The following GATAD2A variants were observed in gnomAD, a reference collection of about 807,000 sequenced individuals.
The protein encoded by GATAD2A is GATA zinc finger domain containing 2A, also known as transcriptional repressor p66-alpha.
In GATAD2A, 12 loss-of-function variants were observed where a neutral mutation model predicts 68.5. That is an observed-to-expected ratio of 0.18 (90% CI 0.11 to 0.28). The LOEUF is 0.28. Ranked by LOEUF, GATAD2A falls within the 10% of genes least tolerant of loss-of-function variation. The pLI, the probability that GATAD2A is intolerant of heterozygous loss-of-function variation, is 1.00. For synonymous variants in GATAD2A, 410 were observed against 375.3 expected, an observed-to-expected ratio of 1.09 and a Z score of -1.07; for missense variants, 755 against 868.5, an observed-to-expected ratio of 0.87 and a Z score of 1.64.
rs1193496109 is a variant in GATAD2A at position 19,498,508 on chromosome 19, T to C, written c.990T>C (p.Ser330=). The C allele has an allele frequency of 2.5e-6, 4 of 1,613,742 alleles. No homozygotes were observed. The highest frequency in any genetic ancestry group is 3.4e-6 in the Non-Finnish European group (4 of 1,179,794). ...TSAQANSTPT[S]VASVVTSAES... ...CTCAGGCCAACTCCACCCCCACTAG[T>C]GTGGCCTCTGTGGTCACCTCTGCCG... The change falls in exon 8 of 12, where the codon AGT becomes AGC. Residue 330 remains serine, a synonymous_variant. Coordinates refer to ENST00000683918, the MANE Select transcript of GATAD2A (RefSeq NM_001384528.1).
At chr19:19,433,800 G>A (rs549993939) in intron 1 of GATAD2A, among the ~76,000 whole-genome samples, 1 of 152,162 alleles carries the variant, frequency 6.6e-6, no homozygotes, top group African/African-American at 2.4e-5. Context: ...TTTGAGACAA[G>A]GTCTTGCTCT....
intron 2 of GATAD2A, among the ~76,000 whole-genome samples, chr19:19,475,156 C>T (rs1463783964): frequency 1.3e-5 from 2 of 152,256 alleles, no homozygotes; most frequent in South Asian, 2.1e-4. Flanking sequence ...CGCAGCTGCT[C>T]CCGGCCCGCC....
At chr19:19,470,136 C>T (rs933171289) in intron 2 of GATAD2A, among the ~76,000 whole-genome samples, 9 of 148,292 alleles carry the variant, frequency 6.1e-5, no homozygotes, top group Admixed American at 1.4e-4. Flanking sequence ...AGCCAAACTG[C>T]GACTTTATTT....
At chr19:19,496,356 C>T (rs967411617) in intron 7 of GATAD2A, 137 bp downstream of exon 7, 1 of 804,246 alleles carries the variant, frequency 1.2e-6, no homozygotes. Flanking sequence ...CAGAGCCAGG[C>T]AGGGGCTTGG....
chr19:19,440,058 C>A, intron 1 of GATAD2A: 1 of 307,526 alleles, frequency 3.3e-6, no homozygotes. Context: ...GTGGTGGTGG[C>A]TCTGCCTACA....
intron 1 of GATAD2A, among the ~76,000 whole-genome samples, chr19:19,391,622 G>A (rs921255252): frequency 5.3e-5 from 8 of 152,076 alleles, no homozygotes; most frequent in Admixed American, 2.0e-4. Flanking sequence ...CTAACAGGAA[G>A]TTTTTTAAAC....
chr19:19,498,174 G>C (rs2060273936), intron 7 of GATAD2A, among the ~76,000 whole-genome samples: 1 of 152,230 alleles, frequency 6.6e-6, no homozygotes, highest in Non-Finnish European at 1.5e-5. Flanking sequence ...GCAAACTATA[G>C]ATTTTAAGTG....
At chr19:19,452,670 C>T (rs1401234969) in intron 1 of GATAD2A, among the ~76,000 whole-genome samples, 2 of 151,906 alleles carry the variant, frequency 1.3e-5, no homozygotes, top group African/African-American at 2.4e-5. Context: ...CTGCTGAATC[C>T]CTGGGCTGGG....
At chr19:19,448,818 A>C (rs2056049592) in intron 1 of GATAD2A, among the ~76,000 whole-genome samples, 1 of 152,206 alleles carries the variant, frequency 6.6e-6, no homozygotes, top group East Asian at 1.9e-4. Context: ...TTCTCCTCAT[A>C]ATAAGCCTGT....
chr19:19,398,626 C>T (rs979757110), intron 1 of GATAD2A, among the ~76,000 whole-genome samples: 2 of 150,910 alleles, frequency 1.3e-5, no homozygotes, highest in African/African-American at 2.4e-5. Flanking sequence ...AGACACTGTG[C>T]CCGGCCTAGA....
intron 2 of GATAD2A, among the ~76,000 whole-genome samples, chr19:19,490,105 T>C (rs2059686263): frequency 6.6e-6 from 1 of 152,216 alleles, no homozygotes; most frequent in Admixed American, 6.5e-5. Flanking sequence ...GAATGTGGGC[T>C]GATAACCCCT....
chr19:19,397,846 CAGAT>C (rs2049377926), intron 1 of GATAD2A, among the ~76,000 whole-genome samples: 1 of 152,188 alleles, frequency 6.6e-6, no homozygotes, highest in South Asian at 2.1e-4. Context: ...CCTCAGCACC[CAGAT>C]AACTAGGACT....
chr19:19,448,695 G>A (rs1233916846), intron 1 of GATAD2A, among the ~76,000 whole-genome samples: 1 of 152,112 alleles, frequency 6.6e-6, no homozygotes, highest in East Asian at 1.9e-4. Context: ...TCACCACGTT[G>A]GCCAGGCTGG....
At chr19:19,432,380 C>T (rs928762306) in intron 1 of GATAD2A, among the ~76,000 whole-genome samples, 1 of 152,236 alleles carries the variant, frequency 6.6e-6, no homozygotes, top group African/African-American at 2.4e-5. Context: ...CAGCTCACTG[C>T]AACCTCTGCC....
chr19:19,467,467 T>C (rs1446260058), intron 2 of GATAD2A, among the ~76,000 whole-genome samples: 2 of 152,158 alleles, frequency 1.3e-5, no homozygotes, highest in African/African-American at 2.4e-5. Context: ...CTTGACAATA[T>C]GGATTAGTTT....
rs186903121 is a variant in GATAD2A, at chr19:19,470,014, C to T, written c.269+4400C>T. Among the ~76,000 whole-genome samples the T allele has an allele frequency of 2.1e-3, 313 of 151,366 alleles. 1 individual carries two copies. Among genetic ancestry groups the T allele is most frequent in the Non-Finnish European group, 1.6e-3 (106 of 67,910 alleles). ...GTTTATAAGTGACGCCCCTTAGATT[C>T]AAGGAATAATACAAAAGGATGGAAA... On this transcript the variant is annotated intron_variant, in intron 2 of 11. Coordinates refer to ENST00000683918, the MANE Select transcript of GATAD2A (RefSeq NM_001384528.1).
intron 1 of GATAD2A, among the ~76,000 whole-genome samples, chr19:19,410,737 G>T (rs138925423): frequency 6.6e-6 from 1 of 152,312 alleles, no homozygotes; most frequent in South Asian, 2.1e-4. Flanking sequence ...TTGCTGAGCA[G>T]CCTGTCTCTA....
At chr19:19,448,122 G>A (rs2055948376) in intron 1 of GATAD2A, among the ~76,000 whole-genome samples, 1 of 152,264 alleles carries the variant, frequency 6.6e-6, no homozygotes, top group Non-Finnish European at 1.5e-5. Flanking sequence ...AGGCATCTGG[G>A]AGGGGACAGA....
At chr19:19,420,177 GTTT>G (rs71170684) in intron 1 of GATAD2A, among the ~76,000 whole-genome samples, 3 of 89,910 alleles carry the variant, frequency 3.3e-5, no homozygotes, top group African/African-American at 1.3e-4. Flanking sequence ...TATCCAGCTA[GTTT>G]TTTTTTTTTT....
Sources: gnomAD v4.1 joint callset for allele counts (sites outside exome capture counted in the v4.1 genomes callset) on GRCh38, gnomAD v4.1.1 for gene constraint, MANE v1.5 for transcripts, NCBI Gene and HGNC (gene_info 2026-07-23, HGNC 2026-07-21) for gene names.